Variants in PNPLA8 observed in about 807,000 individuals in gnomAD.
The protein encoded by PNPLA8 is patatin like domain 8, phospholipase A2.
PNPLA8 carries 39 observed loss-of-function variants against 76.9 expected under a neutral mutation model. The ratio of observed to expected loss-of-function variants is 0.51; its 90% confidence interval spans 0.39 to 0.66. PNPLA8 has a LOEUF of 0.66. PNPLA8 is among the 30% of genes least tolerant of loss of function. PNPLA8 has a pLI of 0.00. For missense variants in PNPLA8, 887 were observed against 918.0 expected, an observed-to-expected ratio of 0.97 and a Z score of 0.44; for synonymous variants, 301 against 307.9, an observed-to-expected ratio of 0.98 and a Z score of 0.24.
intron 1 of PNPLA8, among the ~76,000 whole-genome samples, chr7:108,523,221 G>T (rs1273947468): frequency 6.6e-6 from 1 of 152,142 alleles, no homozygotes; most frequent in Non-Finnish European, 1.5e-5. Context: ...CCCAGCTAAG[G>T]ATGGAAAGAA....
At chr7:108,482,993 CTTCATCTT>C (rs1290406248) in intron 9 of PNPLA8, among the ~76,000 whole-genome samples, 1 of 152,146 alleles carries the variant, frequency 6.6e-6, no homozygotes, top group Non-Finnish European at 1.5e-5. Flanking sequence ...GAAGAACACT[CTTCATCTT>C]TTCACAAATT....
chr7:108,508,596 C>T (rs1862634028), intron 4 of PNPLA8, among the ~76,000 whole-genome samples: 1 of 65,028 alleles, frequency 1.5e-5, no homozygotes, highest in Non-Finnish European at 2.9e-5. Context: ...AATGGCCATA[C>T]TGCCCAAGGT....
intron 10 of PNPLA8, among the ~76,000 whole-genome samples, chr7:108,473,983 T>C (rs1859802496): frequency 6.6e-6 from 1 of 152,136 alleles, no homozygotes; most frequent in African/African-American, 2.4e-5. Flanking sequence ...TGAACCACCA[T>C]ACCCAGCCTA....
chr7:108,518,333 CA>C, intron 2 of PNPLA8: 1 of 152,182 alleles, frequency 6.6e-6, no homozygotes. Context: ...CAGCTGTTGC[CA>C]AAAGCAGTGT....
At chr7:108,491,549 T>C in intron 7 of PNPLA8, 82 bp from the exon 8 acceptor site, 1 of 872,614 alleles carries the variant, frequency 1.1e-6, no homozygotes, top group Non-Finnish European at 1.9e-6. Context: ...ATGCAATTAC[T>C]ATTTGTCCAT....
At chr7:108,473,364 C>A (rs1859757871) in intron 10 of PNPLA8, among the ~76,000 whole-genome samples, 1 of 152,054 alleles carries the variant, frequency 6.6e-6, no homozygotes, top group African/African-American at 2.4e-5. Context: ...TAGAAATAAC[C>A]CGATTATAAA....
At chr7:108,503,443 C>T (rs1409251868) in intron 4 of PNPLA8, among the ~76,000 whole-genome samples, 6 of 152,156 alleles carry the variant, frequency 3.9e-5, no homozygotes, top group Non-Finnish European at 7.4e-5. Flanking sequence ...CTGAAATACT[C>T]TAAATTCTTT....
In PNPLA8 at chr7:108,472,169, T is replaced by C; in HGVS notation, c.*232A>G. ...CTAAAATCTACTAGCACAGTAAGGG[T>C]TACTAAAGCTTAGCTAATTATTAAC... On this transcript the variant is annotated 3_prime_UTR_variant, in exon 11 of 11. Coordinates refer to ENST00000257694, the MANE Select transcript of PNPLA8 (RefSeq NM_001256007.3). 1 of 383,950 alleles carries C rather than the reference T, an allele frequency of 2.6e-6. No individual in the cohort carries two copies. The highest frequency in any genetic ancestry group is 4.7e-6 in the Non-Finnish European group (1 of 210,746). The allele number at this position is 383,950 out of a possible 1,614,324, so 23.8% of individuals were successfully genotyped here.
intron 9 of PNPLA8, among the ~76,000 whole-genome samples, chr7:108,481,880 TTGTG>T (rs1157157459): frequency 2.0e-5 from 3 of 152,026 alleles, no homozygotes; most frequent in African/African-American, 2.4e-5. Flanking sequence ...TGGGGTGTGT[TTGTG>T]TGTGTGGTGG....
At chr7:108,505,526 C>CAA (rs1862356871) in intron 4 of PNPLA8, among the ~76,000 whole-genome samples, 1 of 150,700 alleles carries the variant, frequency 6.6e-6, no homozygotes, top group Non-Finnish European at 1.5e-5. Flanking sequence ...CCAAGCCCAG[C>CAA]TAATTTTTGT....
At chr7:108,488,036 T>C in intron 8 of PNPLA8, 83 bp from the exon 9 acceptor site, 1 of 733,376 alleles carries the variant, frequency 1.4e-6, no homozygotes, top group Non-Finnish European at 2.3e-6. Context: ...TTTAGTAGTA[T>C]GAATGAACAA....
intron 7 of PNPLA8, 45 bp from the exon 8 acceptor site, chr7:108,491,512 T>A: frequency 8.4e-7 from 1 of 1,184,196 alleles, no homozygotes; most frequent in Non-Finnish European, 1.3e-6. Context: ...AATGACTTTA[T>A]CTCCTAACAA....
chr7:108,511,208 G>A (rs141462572), intron 4 of PNPLA8, among the ~76,000 whole-genome samples: 219 of 152,296 alleles, frequency 1.4e-3, no homozygotes, highest in African/African-American at 5.1e-3. Context: ...TAATGTAGGA[G>A]TAACAGAATT....
In PNPLA8 at chr7:108,502,617, C is replaced by T. The variant is rs376735749; in HGVS notation, c.1232G>A (p.Arg411Gln). The change falls in exon 5 of 11, where the codon CGA becomes CAA. Residue 411 changes from arginine (R) to glutamine (Q), a missense_variant. Transcript: ENST00000257694. ...AGTTTCATCCTTAATTTGTCTCAGT[C>T]GTAATAAATATGGAATAATTCTTTC... ...VKERIIPYLL[R>Q]LRQIKDETLQ... The T allele has an allele frequency of 1.1e-5, 17 of 1,610,636 alleles. No individual in the cohort carries two copies. The highest frequency in any genetic ancestry group is 2.2e-5 in the South Asian group (2 of 90,744).
At chr7:108,500,993 C>T (rs1861897765) in intron 5 of PNPLA8, among the ~76,000 whole-genome samples, 1 of 152,106 alleles carries the variant, frequency 6.6e-6, no homozygotes, top group Admixed American at 6.5e-5. Context: ...TTCCTTCTCT[C>T]AGTACTTATT....
intron 4 of PNPLA8, among the ~76,000 whole-genome samples, chr7:108,513,282 T>C (rs1863068339): frequency 6.6e-6 from 1 of 152,052 alleles, no homozygotes; most frequent in Non-Finnish European, 1.5e-5. Flanking sequence ...ATTATATAAA[T>C]ATAAAATATA....
chr7:108,494,017 T>C (rs1861388138), intron 7 of PNPLA8, among the ~76,000 whole-genome samples: 1 of 151,916 alleles, frequency 6.6e-6, no homozygotes, highest in Admixed American at 6.6e-5. Context: ...AAAGATGATG[T>C]TTCAAATCAG....
chr7:108,502,730 C>T, intron 4 of PNPLA8, 88 bp from the exon 5 acceptor site: 2 of 836,162 alleles, frequency 2.4e-6, no homozygotes, highest in Admixed American at 5.1e-5. Context: ...TGCAGTTCAC[C>T]ACATGACAAC....
intron 4 of PNPLA8, chr7:108,511,038 T>C: frequency 2.3e-6 from 1 of 440,166 alleles, no homozygotes; most frequent in Non-Finnish European, 3.5e-6. Context: ...GCTCTCAAAT[T>C]GGAAAAAAAA....
Sources: allele counts gnomAD v4.1 joint callset (sites outside exome capture counted in the v4.1 genomes callset), GRCh38; gene constraint gnomAD v4.1.1; transcripts MANE v1.5; gene names NCBI Gene and HGNC (gene_info 2026-07-23, HGNC 2026-07-21).